The following MVD variants were observed in gnomAD, a reference collection of about 807,000 sequenced individuals.
MVD encodes the protein diphosphomevalonate decarboxylase.
Under a neutral mutation model 42.4 loss-of-function variants are expected in MVD, and 52 were observed. The observed-to-expected ratio is 1.23, with a 90% confidence interval of 0.98 to 1.55. The LOEUF (loss-of-function observed/expected upper bound fraction) is 1.55. Ranked by LOEUF, MVD falls within the 40% of genes most tolerant of loss-of-function variation. The pLI is 0.00. For synonymous variants in MVD, 287 were observed against 243.2 expected (o/e 1.18, Z -1.68); for missense variants, 663 against 572.1 (o/e 1.16, Z -1.62).
intron 1 of MVD, among the ~76,000 whole-genome samples, chr16:88,661,563 G>A (rs1243964602): frequency 6.6e-6 from 1 of 151,870 alleles, no homozygotes; most frequent in Non-Finnish European, 1.5e-5. Flanking sequence ...TAGTAAAAAA[G>A]CAAACCATCC....
At chr16:88,653,769 G>A (rs1230802766) in intron 8 of MVD, among the ~76,000 whole-genome samples, 2 of 152,068 alleles carry the variant, frequency 1.3e-5, no homozygotes, top group Non-Finnish European at 2.9e-5. Flanking sequence ...TCAGGGAAGC[G>A]CCCAATTCAA....
At chr16:88,652,783 G>A (rs569914361) in intron 9 of MVD, among the ~76,000 whole-genome samples, 178 bp from the exon 10 acceptor site, 28 of 152,288 alleles carry the variant, frequency 1.8e-4, no homozygotes, top group Admixed American at 7.2e-4. Flanking sequence ...AGGCACAGCC[G>A]CCCCTGCCAG....
rs368309657 is a variant in MVD at position 88,655,725 on chromosome 16, G to A, written c.609C>T (p.Ser203=). The change falls in exon 6 of 10, where the codon AGC becomes AGT. Residue 203 remains serine, a synonymous_variant. Coordinates refer to ENST00000301012, the MANE Select transcript of MVD (RefSeq NM_002461.3). ...PELRVLILVV[S]AEKKLTGSTV... is the part of the protein sequence containing the mutation. ...TACTGCCTGTCAGCTTCTTCTCAGC[G>A]CTCACCTGCACGAGGGAGAGACAGC... is the stretch of plus-strand genomic sequence containing the variant. 4.4e-5 allele frequency: 69 copies of A among 1,556,628 alleles called. No homozygotes were observed. Among genetic ancestry groups the A allele is most frequent in the South Asian group, 7.1e-5 (6 of 84,532 alleles).
chr16:88,657,703 G>T, intron 3 of MVD, 121 bp from the exon 4 acceptor site: 1 of 1,441,824 alleles, frequency 6.9e-7, no homozygotes, highest in South Asian at 1.3e-5. Flanking sequence ...TCCTCGTGGA[G>T]AGTTTCTTAC....
intron 7 of MVD, 147 bp downstream of exon 7, chr16:88,655,052 A>G: frequency 9.6e-7 from 1 of 1,044,214 alleles, no homozygotes; most frequent in African/African-American, 1.6e-5. Context: ...AAGAACCCAG[A>G]TGGTCAGTGA....
At position 88,655,344 on chromosome 16, in the gene MVD, C is replaced by T. The variant is rs768885691; in HGVS notation, c.752G>A (p.Ser251Asn). The change falls in exon 7 of 10, where the codon AGC becomes AAC. Residue 251 changes from serine (S) to asparagine (N), a missense_variant. Ser to Asn is a conservative substitution (Grantham distance 46). Transcript: ENST00000301012. ...GTCCTTCATGGTCAGCTGGGCGAAGCTGGGGAAGTCTCGCTCCCGGATGCA... is the reference window on the plus strand; with the variant it reads ...GTCCTTCATGGTCAGCTGGGCGAAGTTGGGGAAGTCTCGCTCCCGGATGCA... ...ARCIRERDFP[S>N]FAQLTMKDSN... is the part of the protein sequence containing the mutation. 5 of 1,602,822 alleles carry T rather than the reference C, an allele frequency of 3.1e-6. No homozygotes were observed. The South Asian group carries it at 5.6e-5, about 18-fold the overall frequency.
chr16:88,654,938 G>C (rs544733736), intron 7 of MVD, 131 bp from the exon 8 acceptor site: 8 of 968,750 alleles, frequency 8.3e-6, no homozygotes, highest in Admixed American at 2.9e-5. Flanking sequence ...CACTGGAGTG[G>C]AGCTGTGACC....
chr16:88,656,375 C>G (rs1268149848), intron 4 of MVD, 71 bp from the exon 5 acceptor site: 9 of 1,520,308 alleles, frequency 5.9e-6, no homozygotes, highest in Non-Finnish European at 8.1e-6. Flanking sequence ...CTCACCGCCC[C>G]AGGAACGTCC....
At position 88,657,617 on chromosome 16, in the gene MVD, G is replaced by A. The variant is rs58375088; in HGVS notation, c.257-35C>T. The A allele has an allele frequency of 2.3e-3, 3,745 of 1,601,042 alleles. 79 individuals carry two copies. In the African/African-American group the frequency reaches 0.045, roughly 19 times the overall value. Reference sequence around the variant, plus strand: ...CAATGAGACAGCGTGTGGCCCAGCCGTCAGCACCCTGCCCGCCCTGCTCCT... The same window carrying A: ...CAATGAGACAGCGTGTGGCCCAGCCATCAGCACCCTGCCCGCCCTGCTCCT... On this transcript the variant is annotated intron_variant, in intron 3 of 9. Transcript: ENST00000301012.
At chr16:88,658,808 C>A in intron 1 of MVD, 88 bp from the exon 2 acceptor site, 1 of 923,888 alleles carries the variant, frequency 1.1e-6, no homozygotes, top group Admixed American at 2.3e-5. Context: ...CCCCCACCCA[C>A]GGCCCCCATC....
intron 7 of MVD, 177 bp downstream of exon 7, chr16:88,655,022 C>A: frequency 1.0e-6 from 1 of 958,086 alleles, no homozygotes. Context: ...CCGGGCAAGT[C>A]AAGAAACAAA....
Position 88,654,095 on chromosome 16 carries a change from G to A in MVD, c.1013+597C>T, listed in dbSNP as rs550246002. 1.4e-4 allele frequency among the ~76,000 whole-genome samples: 21 copies of A among 152,194 alleles called. No homozygotes were observed. The South Asian group carries it at 3.1e-3, about 23-fold the overall frequency. On this transcript the variant is annotated intron_variant, in intron 8 of 9. Coordinates refer to ENST00000301012, the MANE Select transcript of MVD (RefSeq NM_002461.3). ...AGGCTGGGCCAAGCTGTGCACCGAG[G>A]AGGGCGTACATGGGGGCTCTGTGGC...
intron 1 of MVD, 77 bp from the exon 2 acceptor site, chr16:88,658,797 C>A: frequency 1.9e-6 from 2 of 1,035,092 alleles, no homozygotes; most frequent in Non-Finnish European, 2.7e-6. Context: ...GGTGCCCCCA[C>A]CCCCCACCCA....
Position 88,652,217 on chromosome 16 carries a change from C to T in MVD, c.*308G>A, listed in dbSNP as rs1907609226. 2 of 516,368 alleles carry T rather than the reference C, an allele frequency of 3.9e-6. No homozygotes were observed. Among genetic ancestry groups the T allele is most frequent in the East Asian group, 7.0e-5 (2 of 28,428 alleles). The allele number at this position is 516,368 out of a possible 1,614,324, so 32.0% of individuals were successfully genotyped here. On this transcript the variant is annotated 3_prime_UTR_variant, in exon 10 of 10. Transcript: ENST00000301012. ...CCTTTCTCAGAGAACTGGGCATAGC[C>T]AGAGCTGGGGTGAGAAAGCCCTTCA...
chr16:88,652,762 G>A (rs1025437319), intron 9 of MVD, among the ~76,000 whole-genome samples, 157 bp from the exon 10 acceptor site: 26 of 152,300 alleles, frequency 1.7e-4, no homozygotes, highest in African/African-American at 5.1e-4. Context: ...ACACCCACAC[G>A]CAGCTCCTGC....
At chr16:88,658,083 G>T in intron 2 of MVD, 54 bp from the exon 3 acceptor site, 1 of 1,546,166 alleles carries the variant, frequency 6.5e-7, no homozygotes, top group Non-Finnish European at 8.9e-7. Flanking sequence ...ACCGATGCCA[G>T]CCAGGTACCC....
In MVD at chr16:88,657,420, C is replaced by T. The variant is rs1328990009; in HGVS notation, c.403+16G>A. ...CCCACAGCCCAGAACCCCTGCGGGT[C>T]TCTGTGGGCACCCACCTAGGCAGGC... On this transcript the variant is annotated intron_variant, in intron 4 of 9. Transcript: ENST00000301012. 4.4e-6 allele frequency: 7 copies of T among 1,586,106 alleles called. No homozygotes were observed. Among genetic ancestry groups the T allele is most frequent in the Non-Finnish European group, 6.0e-6 (7 of 1,167,170 alleles).
chr16:88,657,826 C>T (rs1908032738), intron 3 of MVD, 89 bp downstream of exon 3: 6 of 1,427,084 alleles, frequency 4.2e-6, no homozygotes, highest in Non-Finnish European at 3.9e-6. Flanking sequence ...CCTGCTGCCT[C>T]AGGAGGGGCA....
At position 88,652,383 on chromosome 16, in the gene MVD, T is replaced by A; in HGVS notation, c.*142A>T. On this transcript the variant is annotated 3_prime_UTR_variant, in exon 10 of 10. Transcript: ENST00000301012. ...TGGGCGGCCGCAGGACTCCCTGCAC[T>A]GCCCCACAGCAAGCTGCCCATGGGC... The A allele has an allele frequency of 1.1e-6, 1 of 904,308 alleles. No homozygotes were observed. The highest frequency in any genetic ancestry group is 1.8e-6 in the Non-Finnish European group (1 of 571,164). 56.0% of individuals were successfully genotyped at this position (904,308 alleles called of 1,614,324 possible).
Sources: allele counts gnomAD v4.1 joint callset (sites outside exome capture counted in the v4.1 genomes callset), GRCh38; gene constraint gnomAD v4.1.1; transcripts MANE v1.5; gene names NCBI Gene and HGNC (gene_info 2026-07-23, HGNC 2026-07-21).